Variants in MAGI1 observed in about 807,000 individuals in gnomAD.
The protein encoded by MAGI1 is membrane associated guanylate kinase, WW and PDZ domain containing 1.
MAGI1 carries 58 observed loss-of-function variants against 139.9 expected under a neutral mutation model. That is an observed-to-expected ratio of 0.41 (90% CI 0.34 to 0.52). The LOEUF is 0.52. MAGI1 is among the 20% of genes least tolerant of loss of function. The pLI is 0.12. For synonymous variants in MAGI1, 812 were observed against 737.9 expected (o/e 1.10, Z -1.63); for missense variants, 1,874 against 1,901.6 (o/e 0.99, Z 0.27).
intron 2 of MAGI1, among the ~76,000 whole-genome samples, chr3:65,556,835 CAT>C (rs1003758384): frequency 1.1e-4 from 17 of 152,164 alleles, no homozygotes; most frequent in African/African-American, 4.1e-4. Context: ...CCTAAAAGGA[CAT>C]GTCTTTTTAT....
Position 65,930,176 on chromosome 3 carries a change from C to A in MAGI1, c.313+107820G>T, listed in dbSNP as rs530159711. ...CTGAAAATACAAAAAATTAGTCGGG[C>A]GCAGTGGCGGGCGCCTGTAGTCCCG... On this transcript the variant is annotated intron_variant, in intron 1 of 22. Transcript: ENST00000402939. 1.4e-4 allele frequency among the ~76,000 whole-genome samples: 22 copies of A among 151,800 alleles called. No homozygotes were observed. The East Asian group carries it at 4.3e-3, about 30-fold the overall frequency.
At chr3:65,743,494 G>A (rs1193136760) in intron 1 of MAGI1, among the ~76,000 whole-genome samples, 2 of 151,566 alleles carry the variant, frequency 1.3e-5, no homozygotes, top group Admixed American at 6.6e-5. Flanking sequence ...GATCACCTGA[G>A]GTCAGTAGTT....
intron 1 of MAGI1, among the ~76,000 whole-genome samples, chr3:66,015,764 G>C (rs1354365608): frequency 6.6e-6 from 1 of 152,084 alleles, no homozygotes; most frequent in Admixed American, 6.5e-5. Flanking sequence ...GACCAAACCA[G>C]GAAACTACCC....
chr3:65,372,646 TTTTGTCTA>T (rs1304919732), intron 18 of MAGI1, among the ~76,000 whole-genome samples: 4 of 152,348 alleles, frequency 2.6e-5, no homozygotes, highest in African/African-American at 9.6e-5. Flanking sequence ...TAGAAGACTG[TTTTGTCTA>T]CACTGAAAAT....
intron 1 of MAGI1, chr3:65,688,074 A>G: frequency 2.6e-6 from 2 of 765,776 alleles, no homozygotes. Context: ...TAACCCCAAC[A>G]GACAGCCTTT....
At chr3:65,832,486 G>A (rs1029790067) in intron 1 of MAGI1, among the ~76,000 whole-genome samples, 9 of 151,954 alleles carry the variant, frequency 5.9e-5, no homozygotes, top group African/African-American at 1.5e-4. Flanking sequence ...CTCTGAATAC[G>A]ACATGGTCTT....
chr3:65,627,748 T>C (rs1177165843), intron 1 of MAGI1, among the ~76,000 whole-genome samples: 1 of 151,928 alleles, frequency 6.6e-6, no homozygotes, highest in Admixed American at 6.6e-5. Context: ...CCTTGTGATC[T>C]GCCCACCTTG....
At chr3:66,006,813 T>TTTGTG (rs2067041153) in intron 1 of MAGI1, among the ~76,000 whole-genome samples, 1 of 147,006 alleles carries the variant, frequency 6.8e-6, no homozygotes, top group Non-Finnish European at 1.5e-5. Flanking sequence ...ATGGTTTTGT[T>TTTGTG]TTGTTTTGTT....
intron 2 of MAGI1, among the ~76,000 whole-genome samples, chr3:65,508,736 C>T (rs1322174025): frequency 6.6e-6 from 1 of 152,120 alleles, no homozygotes; most frequent in African/African-American, 2.4e-5. Flanking sequence ...GAAATGGATA[C>T]CTTTGTTGTG....
At chr3:65,552,427 C>T (rs1335992192) in intron 2 of MAGI1, among the ~76,000 whole-genome samples, 1 of 152,134 alleles carries the variant, frequency 6.6e-6, no homozygotes, top group Non-Finnish European at 1.5e-5. Context: ...AAGAAGCTTC[C>T]GTTTAATACA....
intron 2 of MAGI1, among the ~76,000 whole-genome samples, chr3:65,578,750 T>C (rs962810369): frequency 3.3e-5 from 5 of 152,074 alleles, no homozygotes; most frequent in Non-Finnish European, 5.9e-5. Flanking sequence ...TGAAACCCCA[T>C]CTCTACTAAA....
At chr3:65,567,681 C>T (rs1354057786) in intron 2 of MAGI1, among the ~76,000 whole-genome samples, 1 of 151,934 alleles carries the variant, frequency 6.6e-6, no homozygotes, top group Non-Finnish European at 1.5e-5. Flanking sequence ...ACTAAAAATA[C>T]AAAAATTAGC....
In MAGI1 at chr3:65,439,897, G is replaced by T; in HGVS notation, c.1252C>A (p.Gln418Lys). Residue 418 changes from glutamine (Q) to lysine (K), a missense_variant, in exon 9 of 23, where the codon CAG becomes AAG. This residue lies in a region of MAGI1 where 648 missense variants were observed against 598.1 expected (regional missense o/e 1.08). Coordinates refer to ENST00000402939, the MANE Select transcript of MAGI1 (RefSeq NM_001033057.2). The part of the protein sequence containing the change: ...QQQQQQQQQQ[Q>K]QQQTEEWTED... ...GGCCAACCTTCTGTCTGCTGCTGCT[G>T]CTGCTGCTGCTGCTGCTGTTGCTGC... 6.2e-7 allele frequency: 1 copy of T among 1,606,476 alleles called. No individual in the cohort carries two copies. The highest frequency in any genetic ancestry group is 8.5e-7 in the Non-Finnish European group (1 of 1,175,814).
Position 65,759,162 on chromosome 3 carries a change from G to A in MAGI1, c.314-137074C>T, listed in dbSNP as rs77847700. ...TGTCTCCCGATGGGTTAGCAGGAGAGCAAGGAATCGGATCAAGTCCCTAAT... is the reference window on the plus strand; with the variant it reads ...TGTCTCCCGATGGGTTAGCAGGAGAACAAGGAATCGGATCAAGTCCCTAAT... On this transcript the variant is annotated intron_variant, in intron 1 of 22. Transcript: ENST00000402939. Among the ~76,000 whole-genome samples the A allele has an allele frequency of 4.6e-3, 690 of 151,030 alleles. 8 individuals are homozygous for A. Among genetic ancestry groups the A allele is most frequent in the African/African-American group, 0.016 (652 of 41,014 alleles).
intron 1 of MAGI1, among the ~76,000 whole-genome samples, chr3:65,733,354 C>T (rs2107742751): frequency 1.3e-5 from 2 of 152,220 alleles, no homozygotes; most frequent in South Asian, 4.2e-4. Flanking sequence ...GCCACCGTGC[C>T]CAGCTGTGTT....
chr3:65,534,203 A>G (rs190346941), intron 2 of MAGI1, among the ~76,000 whole-genome samples: 57 of 152,282 alleles, frequency 3.7e-4, no homozygotes, highest in African/African-American at 1.3e-3. Context: ...TACACATACC[A>G]TAAGTGCAGG....
At chr3:65,549,632 C>G (rs2079720479) in intron 2 of MAGI1, 1 of 228,078 alleles carries the variant, frequency 4.4e-6, no homozygotes, top group South Asian at 1.6e-4. Flanking sequence ...GCTGGTACCC[C>G]TCTACACGCC....
chr3:65,821,874 G>A (rs182362183), intron 1 of MAGI1, among the ~76,000 whole-genome samples: 2 of 152,296 alleles, frequency 1.3e-5, no homozygotes, highest in East Asian at 3.9e-4. Context: ...CCCTAACAAG[G>A]CATGATGGCT....
At chr3:65,583,480 T>C (rs1055260681) in intron 2 of MAGI1, among the ~76,000 whole-genome samples, 11 of 152,182 alleles carry the variant, frequency 7.2e-5, no homozygotes, top group African/African-American at 2.7e-4. Context: ...CCCCATTTTG[T>C]TGAATTCCAG....
Sources: gnomAD v4.1 joint callset for allele counts (sites outside exome capture counted in the v4.1 genomes callset) on GRCh38, gnomAD v4.1.1 for gene constraint, gnomAD v4.1.1 regional missense constraint, MANE v1.5 for transcripts, NCBI Gene and HGNC (gene_info 2026-07-23, HGNC 2026-07-21) for gene names.